CPA6: variants seen among roughly 807,000 people sequenced by gnomAD.
CPA6 encodes carboxypeptidase A6.
In CPA6, 58 loss-of-function variants were observed where a neutral mutation model predicts 63.3. That is an observed-to-expected ratio of 0.92 (90% CI 0.74 to 1.14). The LOEUF (loss-of-function observed/expected upper bound fraction) is 1.14, where lower values mean the gene tolerates loss of function less well. Ranked by LOEUF, CPA6 falls within the 50% of genes most tolerant of loss-of-function variation. The pLI is 0.00. For synonymous variants in CPA6, 185 were observed against 179.0 expected (o/e 1.03, Z -0.27); for missense variants, 565 against 526.6 (o/e 1.07, Z -0.71).
intron 1 of CPA6, among the ~76,000 whole-genome samples, chr8:67,679,279 C>A (rs1816543477): frequency 6.6e-6 from 1 of 152,198 alleles, no homozygotes; most frequent in Non-Finnish European, 1.5e-5. Flanking sequence ...TTCTATCTAT[C>A]ACAGTTTATG....
At chr8:67,519,861 T>C (rs1474544007) in intron 2 of CPA6, among the ~76,000 whole-genome samples, 1 of 152,252 alleles carries the variant, frequency 6.6e-6, no homozygotes. Context: ...TCATTCACAT[T>C]TAACAAGATT....
intron 1 of CPA6, among the ~76,000 whole-genome samples, chr8:67,659,325 G>A (rs997052317): frequency 9.2e-5 from 14 of 152,182 alleles, no homozygotes; most frequent in African/African-American, 3.1e-4. Flanking sequence ...CAGTCATCAT[G>A]CATACTACAG....
rs182187920 is a variant in CPA6 at position 67,543,446 on chromosome 8, G to A, written c.193-25399C>T. ...ATATAGCTTCAGATTATATGCTGTC[G>A]GTTGAACATACTGCTCAATTTCTGT... On this transcript the variant is annotated intron_variant, in intron 2 of 10. Transcript: ENST00000297770. Among the ~76,000 whole-genome samples the A allele has an allele frequency of 5.9e-5, 9 of 152,100 alleles. No individual in the cohort carries two copies. The East Asian group carries it at 9.6e-4, about 16-fold the overall frequency.
chr8:67,600,364 T>C (rs989161872), intron 2 of CPA6, among the ~76,000 whole-genome samples: 3 of 141,552 alleles, frequency 2.1e-5, no homozygotes, highest in African/African-American at 7.7e-5. Context: ...TGGGGGTGGG[T>C]TGGGGTGGGT....
chr8:67,715,834 C>T (rs1372043077), intron 1 of CPA6, among the ~76,000 whole-genome samples: 1 of 152,066 alleles, frequency 6.6e-6, no homozygotes, highest in Non-Finnish European at 1.5e-5. Context: ...CTTTCTAAGG[C>T]ACTTGTAAAG....
At chr8:67,568,152 G>T (rs1392115218) in intron 2 of CPA6, among the ~76,000 whole-genome samples, 1 of 152,100 alleles carries the variant, frequency 6.6e-6, no homozygotes, top group Non-Finnish European at 1.5e-5. Context: ...ACTAGTGAAG[G>T]TCTATCCCTG....
At chr8:67,634,914 G>T (rs1815432844) in intron 1 of CPA6, among the ~76,000 whole-genome samples, 1 of 151,224 alleles carries the variant, frequency 6.6e-6, no homozygotes, top group Non-Finnish European at 1.5e-5. Context: ...TTTAGAAATG[G>T]TCTCACTCTG....
intron 1 of CPA6, among the ~76,000 whole-genome samples, chr8:67,723,222 C>T (rs1417234986): frequency 1.3e-5 from 2 of 152,106 alleles, no homozygotes; most frequent in African/African-American, 4.8e-5. Flanking sequence ...ACATACAGTG[C>T]TACAATTTTA....
chr8:67,541,869 A>T (rs1812715821), intron 2 of CPA6, among the ~76,000 whole-genome samples: 2 of 152,200 alleles, frequency 1.3e-5, no homozygotes, highest in South Asian at 4.1e-4. Flanking sequence ...CAGGTACCTC[A>T]GTTGGAAATG....
chr8:67,422,348 T>C lies in CPA6; in HGVS notation c.*156A>G. 1.9e-6 allele frequency: 1 copy of C among 536,716 alleles called. No homozygotes were observed. Among genetic ancestry groups the C allele is most frequent in the Non-Finnish European group, 3.2e-6 (1 of 311,314 alleles). 33.2% of individuals were successfully genotyped at this position (536,716 alleles called of 1,614,324 possible). ...GGCTATGCCCTGTTTTTTACTGTTT[T>C]CTATTGCCACAAAGTCAAATTGCGT... is the stretch of plus-strand genomic sequence containing the variant. On this transcript the variant is annotated 3_prime_UTR_variant, in exon 11 of 11. Transcript: ENST00000297770.
chr8:67,745,839 C>T (rs777036813), intron 1 of CPA6, among the ~76,000 whole-genome samples, 175 bp downstream of exon 1: 22 of 152,152 alleles, frequency 1.4e-4, no homozygotes, highest in Non-Finnish European at 2.8e-4. Flanking sequence ...CACATTCTCT[C>T]AGTGAGCTAA....
At chr8:67,707,340 C>T (rs1378407055) in intron 1 of CPA6, among the ~76,000 whole-genome samples, 1 of 152,186 alleles carries the variant, frequency 6.6e-6, no homozygotes, top group East Asian at 1.9e-4. Context: ...TTGCTTAAAA[C>T]CTTGCTGATT....
chr8:67,666,297 G>A (rs1356990068), intron 1 of CPA6, among the ~76,000 whole-genome samples: 1 of 152,190 alleles, frequency 6.6e-6, no homozygotes, highest in African/African-American at 2.4e-5. Flanking sequence ...GCCTTGCCTG[G>A]TAAATAGAAT....
chr8:67,724,502 T>C (rs1375741899), intron 1 of CPA6, among the ~76,000 whole-genome samples: 1 of 152,218 alleles, frequency 6.6e-6, no homozygotes, highest in African/African-American at 2.4e-5. Flanking sequence ...CAATTTCAGG[T>C]GTGCCCTACA....
chr8:67,632,148 C>CTGTG (rs35463897), intron 1 of CPA6, among the ~76,000 whole-genome samples: 1,487 of 147,826 alleles, frequency 0.01, 10 homozygotes, highest in Non-Finnish European at 0.012. Context: ...AAAAATGATG[C>CTGTG]TGTGTGTGTG....
intron 1 of CPA6, among the ~76,000 whole-genome samples, chr8:67,689,320 G>A (rs756714604): frequency 1.3e-5 from 2 of 152,106 alleles, no homozygotes; most frequent in Non-Finnish European, 2.9e-5. Flanking sequence ...ACACATGCAG[G>A]TGTGTTACAT....
At chr8:67,463,294 A>G (rs1810853907) in intron 8 of CPA6, among the ~76,000 whole-genome samples, 1 of 152,000 alleles carries the variant, frequency 6.6e-6, no homozygotes, top group African/African-American at 2.4e-5. Flanking sequence ...AAATAAAAAC[A>G]TTAGCCAGGT....
In CPA6 at chr8:67,483,546, G is replaced by C. The variant is rs143021878; in HGVS notation, c.838+222C>G. ...ATTTAAATTTTCAGTTTTCAGGACC[G>C]AATTGACATATTTAAAATCCTTGAT... On this transcript the variant is annotated intron_variant, in intron 8 of 10. Transcript: ENST00000297770. The C allele has an allele frequency of 3.0e-4, 169 of 560,980 alleles. No homozygotes were observed. The East Asian group carries it at 4.7e-3, about 16-fold the overall frequency. The allele number at this position is 560,980 out of a possible 1,614,324, so 34.8% of individuals were successfully genotyped here. A position where few individuals can be genotyped will look rare whatever the true frequency, so the allele number is the denominator to read the frequency against.
At position 67,662,789 on chromosome 8, in the gene CPA6, T is replaced by C. The variant is rs76244557; in HGVS notation, c.117-38538A>G. On this transcript the variant is annotated intron_variant, in intron 1 of 10. Coordinates refer to ENST00000297770, the MANE Select transcript of CPA6 (RefSeq NM_020361.5). ...ATGTGTGTATCAAAGGGATACAATG[T>C]GCTGCAGGAGCACCTTGGAAAGTTA... is the stretch of plus-strand genomic sequence containing the variant. Among the ~76,000 whole-genome samples the C allele has an allele frequency of 5.0e-3, 756 of 152,320 alleles. 6 individuals are homozygous for C. Among genetic ancestry groups the C allele is most frequent in the African/African-American group, 0.015 (644 of 41,558 alleles).
Sources: allele counts gnomAD v4.1 joint callset (sites outside exome capture counted in the v4.1 genomes callset), GRCh38; gene constraint gnomAD v4.1.1; transcripts MANE v1.5; gene names NCBI Gene and HGNC (gene_info 2026-07-23, HGNC 2026-07-21).